Variants in DMD observed in about 807,000 individuals in gnomAD.
DMD encodes mutant dystrophin.
Under a neutral mutation model 330.1 loss-of-function variants are expected in DMD, and 63 were observed. The ratio of observed to expected loss-of-function variants is 0.19; its 90% CI spans 0.16 to 0.24. DMD has a LOEUF of 0.24. Among genes scored for constraint, DMD ranks in the 10% least tolerant of loss-of-function variants. DMD has a pLI of 1.00. For missense variants in DMD, 3,344 were observed against 2,684.1 expected, an observed-to-expected ratio of 1.25 and a Z score of -5.43; for synonymous variants, 1,223 against 959.8, an observed-to-expected ratio of 1.27 and a Z score of -5.07.
chrX:31,657,848 T>G, intron 54 of DMD, 142 bp downstream of exon 54: 18 of 590,050 alleles, frequency 3.1e-5, no homozygotes, highest in Non-Finnish European at 4.3e-5. Flanking sequence ...GCCAAGTCCG[T>G]GAGTTTAGTT....
At position 32,005,040 on chromosome X, in the gene DMD, A is replaced by C. The variant is rs778043832; in HGVS notation, c.6439-36526T>G. Among the ~76,000 whole-genome samples the C allele has an allele frequency of 3.6e-5, 4 of 111,270 alleles. No homozygotes were observed. In the East Asian group the frequency reaches 1.1e-3, roughly 32 times the overall value. On this transcript the variant is annotated intron_variant, in intron 44 of 78. Transcript: ENST00000357033. ...TTCCATTAAAATCTAGGGCATCATC[A>C]CTCATTCTTATCTGCAGCAGGCTGC...
intron 1 of DMD, among the ~76,000 whole-genome samples, chrX:33,330,207 G>A (rs748914601): frequency 1.8e-5 from 2 of 111,034 alleles, no homozygotes; most frequent in East Asian, 2.8e-4. Context: ...TGGATGATTC[G>A]ATTCTTCAGA....
rs1025303572 is a variant in DMD, at chrX:32,832,474, G to A, written c.265-9087C>T. 2.7e-5 allele frequency among the ~76,000 whole-genome samples: 3 copies of A among 110,012 alleles called. No individual in the cohort carries two copies. The Admixed American group carries it at 2.9e-4, about 11-fold the overall frequency. On this transcript the variant is annotated intron_variant, in intron 4 of 78. Coordinates refer to ENST00000357033, the MANE Select transcript of DMD (RefSeq NM_004006.3). ...TTCTCATAAAATATATATAAACCGA[G>A]AAGTTCCTTCCAACATTCTAGATAA...
intron 2 of DMD, among the ~76,000 whole-genome samples, chrX:32,864,399 T>C (rs2082320203): frequency 8.9e-6 from 1 of 112,460 alleles, no homozygotes; most frequent in Admixed American, 9.4e-5. Context: ...GGCTTGACTA[T>C]CATCACATTC....
chrX:31,880,508 CAGTT>C (rs1356364927), intron 47 of DMD, among the ~76,000 whole-genome samples: 4 of 112,118 alleles, frequency 3.6e-5, no homozygotes, highest in South Asian at 3.7e-4. Context: ...AAAATCCAGA[CAGTT>C]AGTAATCAAT....
chrX:32,511,688 A>C (rs1327479322), intron 18 of DMD, among the ~76,000 whole-genome samples: 1 of 110,354 alleles, frequency 9.1e-6, no homozygotes, highest in African/African-American at 3.3e-5. Flanking sequence ...TCTTTCTCTT[A>C]AATTTCGTCC....
chrX:32,517,641 T>C (rs1021058021), intron 18 of DMD: 3 of 236,640 alleles, frequency 1.3e-5, no homozygotes. Context: ...TTCTATTCTA[T>C]TTTACTCTAT....
chrX:31,552,843 C>T (rs760582138), intron 55 of DMD, among the ~76,000 whole-genome samples: 11 of 111,839 alleles, frequency 9.8e-5, no homozygotes, highest in Non-Finnish European at 1.9e-4. Context: ...ATACCACCTT[C>T]CTCAAGGGAC....
intron 74 of DMD, among the ~76,000 whole-genome samples, chrX:31,159,249 G>A (rs996524623): frequency 1.8e-5 from 2 of 111,395 alleles, no homozygotes; most frequent in African/African-American, 6.5e-5. Flanking sequence ...AAGGCAAAAA[G>A]ACTGGGAATC....
chrX:31,503,747 T>C (rs935697833), intron 56 of DMD, among the ~76,000 whole-genome samples: 2 of 109,059 alleles, frequency 1.8e-5, no homozygotes, highest in African/African-American at 6.7e-5. Flanking sequence ...TATGGGAGAG[T>C]GAGGAAATTG....
intron 4 of DMD, among the ~76,000 whole-genome samples, chrX:32,842,445 T>C (rs2080248240): frequency 8.9e-6 from 1 of 111,952 alleles, no homozygotes. Flanking sequence ...GGTGGAGATT[T>C]TAGATGCCAA....
intron 51 of DMD, among the ~76,000 whole-genome samples, chrX:31,751,415 C>G (rs1460649728): frequency 8.9e-6 from 1 of 111,741 alleles, no homozygotes; most frequent in African/African-American, 3.3e-5. Flanking sequence ...ATCAACACTT[C>G]CTTGCAGTCC....
chrX:32,477,323 T>C (rs1209573403), intron 21 of DMD, among the ~76,000 whole-genome samples: 4 of 110,542 alleles, frequency 3.6e-5, no homozygotes, highest in Non-Finnish European at 7.6e-5. Flanking sequence ...TCCATTAATA[T>C]CTAGACATTT....
At chrX:32,540,336 A>T (rs2148931967) in intron 17 of DMD, among the ~76,000 whole-genome samples, 1 of 111,950 alleles carries the variant, frequency 8.9e-6, no homozygotes, top group South Asian at 3.7e-4. Context: ...TATGCAATAA[A>T]TACAACATAT....
intron 2 of DMD, among the ~76,000 whole-genome samples, chrX:32,942,195 T>C (rs1270146624): frequency 9.0e-6 from 1 of 111,669 alleles, no homozygotes; most frequent in East Asian, 2.8e-4. Flanking sequence ...TCAATAGACT[T>C]AGGAATTTCC....
At chrX:32,621,415 G>T (rs1200026550) in intron 11 of DMD, among the ~76,000 whole-genome samples, 1 of 110,447 alleles carries the variant, frequency 9.1e-6, no homozygotes, top group Non-Finnish European at 1.9e-5. Flanking sequence ...TTCTATCGTG[G>T]TTTCATTTTA....
intron 47 of DMD, among the ~76,000 whole-genome samples, chrX:31,914,844 G>A (rs772243037): frequency 9.8e-5 from 11 of 112,048 alleles, no homozygotes; most frequent in Non-Finnish European, 1.3e-4. Context: ...GGTGACTATC[G>A]TCAAAATAAT....
chrX:32,839,805 G>A (rs2079997370), intron 4 of DMD, among the ~76,000 whole-genome samples: 3 of 110,672 alleles, frequency 2.7e-5, no homozygotes, highest in South Asian at 7.7e-4. Flanking sequence ...TCTGCTCCCA[G>A]GTTCACGTGA....
intron 62 of DMD, chrX:31,266,964 G>A: frequency 5.8e-6 from 6 of 1,040,022 alleles, no homozygotes; most frequent in East Asian, 3.7e-5. Context: ...CGGAGGAGCC[G>A]GCGCGGGCGG....
Sources: allele counts gnomAD v4.1 joint callset (sites outside exome capture counted in the v4.1 genomes callset), GRCh38; gene constraint gnomAD v4.1.1; transcripts MANE v1.5; gene names NCBI Gene and HGNC (gene_info 2026-07-23, HGNC 2026-07-21).